VKORC1L1: variants seen among roughly 807,000 people sequenced by gnomAD.
VKORC1L1 encodes vitamin K epoxide reductase complex subunit 1-like protein 1.
In VKORC1L1, 2 loss-of-function variants were observed where a neutral mutation model predicts 18.9. The ratio of observed to expected loss-of-function variants is 0.11; its 90% CI spans 0.04 to 0.33. VKORC1L1 has a LOEUF of 0.33. Ranked by LOEUF, VKORC1L1 falls within the 10% of genes least tolerant of loss-of-function variation. The pLI is 1.00. For missense variants in VKORC1L1, 123 were observed against 224.1 expected (o/e 0.55, Z 2.88); for synonymous variants, 96 against 100.0 (o/e 0.96, Z 0.24).
chr7:65,946,838 G>A (rs184254739), intron 1 of VKORC1L1, among the ~76,000 whole-genome samples: 2 of 152,168 alleles, frequency 1.3e-5, no homozygotes, highest in African/African-American at 2.4e-5. Flanking sequence ...TATGTTCTTT[G>A]AAATGTATAA....
intron 1 of VKORC1L1, among the ~76,000 whole-genome samples, chr7:65,903,747 C>G (rs1789358145): frequency 1.4e-5 from 2 of 144,126 alleles, no homozygotes; most frequent in Non-Finnish European, 3.0e-5. Flanking sequence ...GCACTTTAGC[C>G]TGGGTGATAG....
intron 1 of VKORC1L1, among the ~76,000 whole-genome samples, chr7:65,903,737 G>C (rs945817020): frequency 2.1e-5 from 3 of 145,168 alleles, no homozygotes; most frequent in Non-Finnish European, 1.5e-5. Context: ...GAGCCACACT[G>C]CACTTTAGCC....
intron 1 of VKORC1L1, among the ~76,000 whole-genome samples, chr7:65,947,769 C>T (rs188496794): frequency 9.8e-4 from 149 of 152,122 alleles, no homozygotes; most frequent in Admixed American, 2.0e-3. Context: ...CGGCCCACTG[C>T]AACCTCTGCT....
chr7:65,868,191 C>T (rs562090142), upstream of VKORC1L1, among the ~76,000 whole-genome samples: 51 of 152,188 alleles, frequency 3.4e-4, no homozygotes, highest in Middle Eastern at 3.4e-3. Context: ...TGAGATGGCT[C>T]GCACCTGTAA....
chr7:65,892,961 G>GT (rs1789132406), intron 1 of VKORC1L1, among the ~76,000 whole-genome samples: 2 of 152,168 alleles, frequency 1.3e-5, no homozygotes, highest in South Asian at 4.1e-4. Context: ...ACACTTGGTT[G>GT]TTTTTTGCCT....
chr7:65,869,281 T>C (rs1294905862), upstream of VKORC1L1, among the ~76,000 whole-genome samples: 1 of 151,898 alleles, frequency 6.6e-6, no homozygotes, highest in African/African-American at 2.4e-5. Flanking sequence ...ACCACTGCAC[T>C]CCAGCCTGCG....
At chr7:65,933,567 C>T (rs1009924637) in intron 1 of VKORC1L1, among the ~76,000 whole-genome samples, 1 of 152,022 alleles carries the variant, frequency 6.6e-6, no homozygotes, top group African/African-American at 2.4e-5. Flanking sequence ...TTACTCTTAA[C>T]CTATGTTATT....
intron 1 of VKORC1L1, among the ~76,000 whole-genome samples, chr7:65,918,147 C>T (rs1562995016): frequency 6.6e-6 from 1 of 152,170 alleles, no homozygotes; most frequent in African/African-American, 2.4e-5. Context: ...CTAGAGATAA[C>T]CATTGTGATT....
intron 1 of VKORC1L1, among the ~76,000 whole-genome samples, chr7:65,881,741 G>T (rs111734791): frequency 0.014 from 2,068 of 152,252 alleles, 23 homozygotes; most frequent in Middle Eastern, 0.024. Context: ...ACCTCCCTGT[G>T]TACTTTTTTG....
intron 1 of VKORC1L1, among the ~76,000 whole-genome samples, chr7:65,881,636 A>G (rs1788929338): frequency 2.0e-5 from 3 of 152,238 alleles, no homozygotes; most frequent in South Asian, 4.1e-4. Flanking sequence ...CATACTGCAT[A>G]TAAATCCTAG....
chr7:65,889,254 C>A (rs1370156786), intron 1 of VKORC1L1, among the ~76,000 whole-genome samples: 1 of 152,188 alleles, frequency 6.6e-6, no homozygotes, highest in Non-Finnish European at 1.5e-5. Context: ...TCTACCCCAA[C>A]CTCTGCTGTT....
chr7:65,872,757 T>G (rs1473400582), upstream of VKORC1L1, among the ~76,000 whole-genome samples: 3 of 151,850 alleles, frequency 2.0e-5, no homozygotes, highest in Admixed American at 6.6e-5. Flanking sequence ...TCTCTGGAGC[T>G]CCAAGCATTG....
intron 2 of VKORC1L1, among the ~76,000 whole-genome samples, chr7:65,950,213 T>C (rs1458162485): frequency 6.6e-6 from 1 of 152,214 alleles, no homozygotes; most frequent in Non-Finnish European, 1.5e-5. Flanking sequence ...CATTTAGTTA[T>C]TGGATCCCGA....
intron 1 of VKORC1L1, among the ~76,000 whole-genome samples, chr7:65,932,510 A>G (rs1253455321): frequency 6.6e-6 from 1 of 152,254 alleles, no homozygotes; most frequent in Non-Finnish European, 1.5e-5. Flanking sequence ...CTTTAGCTGC[A>G]TAACACCAAT....
chr7:65,920,505 G>C (rs866757163), intron 1 of VKORC1L1, among the ~76,000 whole-genome samples: 2 of 152,082 alleles, frequency 1.3e-5, no homozygotes, highest in Non-Finnish European at 1.5e-5. Flanking sequence ...ATATAGATTC[G>C]TGTACATAAT....
chr7:65,946,555 G>A (rs1790122216), intron 1 of VKORC1L1, among the ~76,000 whole-genome samples: 1 of 152,126 alleles, frequency 6.6e-6, no homozygotes, highest in African/African-American at 2.4e-5. Flanking sequence ...GAGTGATTGT[G>A]CTTTAAAAAT....
At position 65,942,217 on chromosome 7, in the gene VKORC1L1, G is replaced by A. The variant is rs868384516; in HGVS notation, c.195-6454G>A. ...TTTAAAGACTTGTTGGCCGGATGCA[G>A]TGACTCACACCTGTAATCCCAGCAC... On this transcript the variant is annotated intron_variant, in intron 1 of 2. Coordinates refer to ENST00000360768, the MANE Select transcript of VKORC1L1 (RefSeq NM_173517.6). Among the ~76,000 whole-genome samples the A allele has an allele frequency of 5.9e-5, 9 of 152,112 alleles. No individual in the cohort carries two copies. In the South Asian group the frequency reaches 1.9e-3, roughly 32 times the overall value.
intron 1 of VKORC1L1, among the ~76,000 whole-genome samples, chr7:65,887,340 G>T (rs1354420834): frequency 2.6e-5 from 4 of 151,922 alleles, no homozygotes; most frequent in Admixed American, 6.6e-5. Context: ...AATACATAAC[G>T]TTGATATTAT....
intron 1 of VKORC1L1, among the ~76,000 whole-genome samples, chr7:65,883,561 G>A (rs773529988): frequency 2.0e-5 from 3 of 151,960 alleles, no homozygotes; most frequent in East Asian, 1.9e-4. Flanking sequence ...GTGCAGTGGC[G>A]GGTTCTCGGC....
Sources: gnomAD v4.1 joint callset for allele counts (sites outside exome capture counted in the v4.1 genomes callset) on GRCh38, gnomAD v4.1.1 for gene constraint, MANE v1.5 for transcripts, NCBI Gene and HGNC (gene_info 2026-07-23, HGNC 2026-07-21) for gene names.